STK32C: variants seen among roughly 807,000 people sequenced by gnomAD.
STK32C encodes the protein serine/threonine kinase 32C, also known as serine/threonine-protein kinase 32C.
In STK32C, 31 loss-of-function variants were observed where a neutral mutation model predicts 56.5. That is an observed-to-expected ratio of 0.55 (90% CI 0.41 to 0.74). The LOEUF (loss-of-function observed/expected upper bound fraction) is 0.74. STK32C is among the 30% of genes least tolerant of loss of function. STK32C has a pLI of 0.00. For synonymous variants in STK32C, 309 were observed against 289.4 expected, an observed-to-expected ratio of 1.07 and a Z score of -0.69; for missense variants, 544 against 676.9, an observed-to-expected ratio of 0.80 and a Z score of 2.18.
intron 2 of STK32C, among the ~76,000 whole-genome samples, chr10:132,232,678 G>A (rs1040329835): frequency 3.9e-5 from 6 of 152,042 alleles, no homozygotes; most frequent in Non-Finnish European, 7.4e-5. Context: ...AGCCAACCCC[G>A]GGCTCCGGAG....
exon 1 of STK32C, chr10:132,331,457 C>T (rs1345897149): frequency 2.5e-6 from 4 of 1,611,942 alleles, no homozygotes; most frequent in Non-Finnish European, 3.4e-6. Context: ...GCCCCCCTCA[C>T]TCCTCCGTCC....
intron 1 of STK32C, among the ~76,000 whole-genome samples, chr10:132,314,944 G>T (rs2066285664): frequency 6.6e-6 from 1 of 152,136 alleles, no homozygotes; most frequent in Non-Finnish European, 1.5e-5. Context: ...AGACCAGCCT[G>T]ACCAACACGG....
At chr10:132,262,043 C>G (rs1390166809) in intron 1 of STK32C, among the ~76,000 whole-genome samples, 1 of 152,158 alleles carries the variant, frequency 6.6e-6, no homozygotes, top group East Asian at 1.9e-4. Context: ...ACTTCAAACT[C>G]TACTACAGGG....
In STK32C at chr10:132,221,719, G is replaced by T. The variant is rs560281874; in HGVS notation, c.1251+922C>A. On this transcript the variant is annotated intron_variant, in intron 10 of 11. Coordinates refer to ENST00000298630, the MANE Select transcript of STK32C (RefSeq NM_173575.4). ...ACAACTGATGCTGACGCACCTGGGC[G>T]AGTGTGAGGGCTTCACATGGCCGTC... 3.4e-3 allele frequency among the ~76,000 whole-genome samples: 439 copies of T among 128,176 alleles called. 1 individual carries two copies. The highest frequency in any genetic ancestry group is 0.013 in the African/African-American group (400 of 31,698). The allele number at this position is 128,176 out of a possible 152,430, so 84.1% of individuals were successfully genotyped here.
chr10:132,264,323 C>T (rs1168159373), intron 1 of STK32C, among the ~76,000 whole-genome samples: 1 of 152,252 alleles, frequency 6.6e-6, no homozygotes, highest in Non-Finnish European at 1.5e-5. Flanking sequence ...CCTGGAGGGA[C>T]ACCTGGTCAT....
chr10:132,259,085 G>A (rs1429363282), intron 1 of STK32C, among the ~76,000 whole-genome samples: 7 of 130,370 alleles, frequency 5.4e-5, no homozygotes, highest in Non-Finnish European at 7.9e-5. Flanking sequence ...TGTGGCTTGG[G>A]AGGCTGCTGC....
chr10:132,307,515 C>A lies in STK32C; in HGVS notation c.262+57G>T, dbSNP rs1336982815. The A allele has an allele frequency of 2.7e-6, 4 of 1,493,006 alleles. No individual in the cohort carries two copies. In the African/African-American group the frequency reaches 4.4e-5, roughly 16 times the overall value. 92.5% of individuals were successfully genotyped at this position (1,493,006 alleles called of 1,614,324 possible). ...CCCCTGCGGGAAAAAGCCGCCCAGCCGCGCCCGCCCCTGCAATAGCGCGCG... is the reference window on the plus strand; with the variant it reads ...CCCCTGCGGGAAAAAGCCGCCCAGCAGCGCCCGCCCCTGCAATAGCGCGCG... On this transcript the variant is annotated intron_variant, in intron 1 of 11. Transcript: ENST00000298630. This position sits in a 1 kb window ranked among gnomAD's most constrained non-coding sequence, Gnocchi z 4.4.
intron 1 of STK32C, among the ~76,000 whole-genome samples, chr10:132,257,126 G>A (rs536380511): frequency 6.6e-6 from 1 of 152,320 alleles, no homozygotes; most frequent in Admixed American, 6.5e-5. Context: ...ACCAGCTGGG[G>A]GCTGCCCATG....
At chr10:132,239,623 C>A (rs1466675) in intron 2 of STK32C, among the ~76,000 whole-genome samples, 10 of 152,054 alleles carry the variant, frequency 6.6e-5, no homozygotes, top group African/African-American at 2.2e-4. Flanking sequence ...AAAGTGGGGG[C>A]CATCTGGGAG....
At chr10:132,279,699 CGTGAT>C in intron 1 of STK32C, among the ~76,000 whole-genome samples, 1 of 151,344 alleles carries the variant, frequency 6.6e-6, no homozygotes, top group South Asian at 2.1e-4. Context: ...CACTCCACTC[CGTGAT>C]CACGACACTC....
intron 1 of STK32C, among the ~76,000 whole-genome samples, chr10:132,263,043 T>A (rs1173269485): frequency 6.6e-6 from 1 of 152,156 alleles, no homozygotes; most frequent in African/African-American, 2.4e-5. Flanking sequence ...TTTGAAGATT[T>A]CTCAAAAAAT....
intron 1 of STK32C, among the ~76,000 whole-genome samples, chr10:132,270,002 A>G (rs1369699496): frequency 1.3e-5 from 2 of 152,208 alleles, no homozygotes; most frequent in African/African-American, 4.8e-5. Context: ...TGGTCTCTTG[A>G]GAACCCTGCA....
intron 1 of STK32C, among the ~76,000 whole-genome samples, chr10:132,285,199 CA>C (rs2065364767): frequency 6.6e-6 from 1 of 152,100 alleles, no homozygotes; most frequent in African/African-American, 2.4e-5. Flanking sequence ...CACACCTGCC[CA>C]AAGACCAGGC....
intron 1 of STK32C, among the ~76,000 whole-genome samples, chr10:132,281,166 G>A (rs1377259571): frequency 2.1e-5 from 3 of 140,490 alleles, no homozygotes; most frequent in Non-Finnish European, 3.1e-5. Flanking sequence ...ACACACACAC[G>A]TGATCCTCGT....
At position 132,328,113 on chromosome 10, in the gene STK32C, A is replaced by G. The variant is rs117244427; in HGVS notation, c.301+3323T>C. Reference sequence around the variant, plus strand: ...GAATTGCAATGGAGAAAGAGTAATTAACGCAGAGCGGGCTGTGCAGGAGAC... The same window carrying G: ...GAATTGCAATGGAGAAAGAGTAATTGACGCAGAGCGGGCTGTGCAGGAGAC... On this transcript the variant is annotated intron_variant, in intron 1 of 1. Coordinates refer to the STK32C transcript ENST00000368619. Among the ~76,000 whole-genome samples the G allele has an allele frequency of 3.7e-3, 570 of 152,344 alleles. 3 individuals are homozygous for G. The highest frequency in any genetic ancestry group is 6.8e-3 in the Middle Eastern group (2 of 294).
At chr10:132,246,056 G>T in intron 1 of STK32C, 101 bp from the exon 2 acceptor site, 1 of 1,203,456 alleles carries the variant, frequency 8.3e-7, no homozygotes, top group Non-Finnish European at 1.2e-6. Flanking sequence ...ACTGCCCAGG[G>T]CCCCTCATCC....
chr10:132,263,756 C>T (rs1352287568), intron 1 of STK32C, among the ~76,000 whole-genome samples: 3 of 149,550 alleles, frequency 2.0e-5, no homozygotes, highest in Non-Finnish European at 4.4e-5. Flanking sequence ...ATCCCAGCTA[C>T]TCGGGAGGCT....
intron 1 of STK32C, among the ~76,000 whole-genome samples, chr10:132,276,482 C>T (rs2065000806): frequency 1.3e-5 from 2 of 152,214 alleles, no homozygotes; most frequent in Admixed American, 1.3e-4. Context: ...CCACCCGATA[C>T]ACTCAGAGCA....
At chr10:132,303,041 G>A (rs1183918320) in intron 1 of STK32C, among the ~76,000 whole-genome samples, 1 of 152,236 alleles carries the variant, frequency 6.6e-6, no homozygotes, top group Non-Finnish European at 1.5e-5. Flanking sequence ...GGTGAACCTT[G>A]TAAAAGTGGA....
Sources: gnomAD v4.1 joint callset for allele counts (sites outside exome capture counted in the v4.1 genomes callset) on GRCh38, gnomAD v4.1.1 for gene constraint, Gnocchi (gnomAD v3.1) non-coding constraint, MANE v1.5 for transcripts, NCBI Gene and HGNC (gene_info 2026-07-23, HGNC 2026-07-21) for gene names.